The following ATXN3 variants were observed in gnomAD, a reference collection of about 807,000 sequenced individuals.
The protein encoded by ATXN3 is ataxin 3.
ATXN3 carries 28 observed loss-of-function variants against 58.2 expected under a neutral mutation model. The observed-to-expected ratio is 0.48, with a 90% CI of 0.36 to 0.66. The LOEUF (loss-of-function observed/expected upper bound fraction) is 0.66, where lower values mean the gene tolerates loss of function less well. ATXN3 is among the 30% of genes least tolerant of loss of function. The pLI is 0.00. For missense variants in ATXN3, 321 were observed against 422.1 expected (o/e 0.76, Z 2.10); for synonymous variants, 113 against 138.5 (o/e 0.82, Z 1.29).
chr14:92,097,626 C>T (rs148055766), intron 1 of ATXN3, among the ~76,000 whole-genome samples: 2 of 150,494 alleles, frequency 1.3e-5, no homozygotes, highest in South Asian at 2.1e-4. Context: ...CCTGAGTTCA[C>T]GCCATTCTCC....
intron 9 of ATXN3, among the ~76,000 whole-genome samples, chr14:92,076,227 C>T (rs56384416): frequency 6.6e-6 from 1 of 152,184 alleles, no homozygotes; most frequent in South Asian, 2.1e-4. Flanking sequence ...TGGCAGATTG[C>T]CTGAGATCAG....
upstream of ATXN3, among the ~76,000 whole-genome samples, chr14:92,052,686 C>A (rs1366469581): frequency 6.6e-6 from 1 of 152,120 alleles, no homozygotes; most frequent in Non-Finnish European, 1.5e-5. Flanking sequence ...TGCACACCAG[C>A]CAGCAGTCAG....
intron 2 of ATXN3, among the ~76,000 whole-genome samples, chr14:92,045,306 T>C (rs928223696): frequency 2.6e-5 from 4 of 152,072 alleles, no homozygotes; most frequent in Non-Finnish European, 4.4e-5. Context: ...GAGAAACTGC[T>C]TGGGTGATTT....
chr14:92,074,035 G>C (rs1180610984), intron 9 of ATXN3, among the ~76,000 whole-genome samples: 28 of 134,010 alleles, frequency 2.1e-4, no homozygotes, highest in Admixed American at 2.1e-3. Flanking sequence ...AAAAAAAAAA[G>C]GGAGAAATGG....
chr14:92,073,041 A>G lies in ATXN3; in HGVS notation c.873-1988T>C, dbSNP rs1171235458. Among the ~76,000 whole-genome samples the G allele has an allele frequency of 2.0e-5, 3 of 152,230 alleles. No homozygotes were observed. The East Asian group carries it at 5.8e-4, about 29-fold the overall frequency. ...GCAAATCCTGATGCTGCAACATAGC[A>G]CAAGAGGGACGGACTGAGTTATGGA... On this transcript the variant is annotated intron_variant, in intron 9 of 10. Coordinates refer to ENST00000644486, the MANE Select transcript of ATXN3 (RefSeq NM_004993.6).
At chr14:92,078,986 G>C (rs2060934793) in intron 9 of ATXN3, among the ~76,000 whole-genome samples, 1 of 152,078 alleles carries the variant, frequency 6.6e-6, no homozygotes, top group African/African-American at 2.4e-5. Context: ...AGGAGTTTAA[G>C]GCCAGCCTGG....
intron 9 of ATXN3, among the ~76,000 whole-genome samples, chr14:92,078,195 G>A (rs1033548078): frequency 7.7e-4 from 117 of 151,968 alleles, no homozygotes; most frequent in Non-Finnish European, 1.4e-3. Context: ...GGCTGGTCTT[G>A]TACTCCTGAC....
Position 92,083,218 on chromosome 14 carries a change from G to A in ATXN3, c.516C>T (p.Cys172=), listed in dbSNP as rs748191546. Residue 172 remains cysteine, a synonymous_variant, in exon 7 of 11, where the codon TGC becomes TGT. Transcript: ENST00000644486. ...TCATCTGCAGGAGTTGGTCAGCTTC[G>A]CAATCTGGCAGATCACCCTTAACGA... ...IFVVKGDLPD[C]EADQLLQMIR... is the part of the protein sequence containing the mutation. The A allele has an allele frequency of 1.2e-5, 19 of 1,613,228 alleles. No individual in the cohort carries two copies. The highest frequency in any genetic ancestry group is 1.6e-4 in the Middle Eastern group (1 of 6,062).
At chr14:92,054,135 C>A (rs2057457619), downstream of ATXN3, among the ~76,000 whole-genome samples, 1 of 152,076 alleles carries the variant, frequency 6.6e-6, no homozygotes, top group Non-Finnish European at 1.5e-5. Flanking sequence ...GGGGTTTTGC[C>A]ATGTTGGCCA....
chr14:92,080,486 T>A (rs2140675279), intron 9 of ATXN3: 1 of 153,182 alleles, frequency 6.5e-6, no homozygotes, highest in East Asian at 1.9e-4. Context: ...GGGGCAAGGT[T>A]TTTTTGTTTC....
chr14:92,081,465 CAA>C (rs58398762), intron 8 of ATXN3, among the ~76,000 whole-genome samples: 283 of 82,926 alleles, frequency 3.4e-3, no homozygotes, highest in African/African-American at 0.011. Context: ...GACTCTGACT[CAA>C]AAAAAAAAAA....
rs55692120 is a variant in ATXN3, at chr14:92,062,323, A to G, written c.*1997T>C. On this transcript the variant is annotated 3_prime_UTR_variant, in exon 11 of 11. Coordinates refer to ENST00000644486, the MANE Select transcript of ATXN3 (RefSeq NM_004993.6). ...AAAGTCAAACATGCCATATTTTCTTAAGTGCTTTAACTAGGGTATATATGA... is the reference window on the plus strand; with the variant it reads ...AAAGTCAAACATGCCATATTTTCTTGAGTGCTTTAACTAGGGTATATATGA... 9.2e-5 allele frequency: 14 copies of G among 152,296 alleles called. No individual in the cohort carries two copies. The highest frequency in any genetic ancestry group is 1.9e-4 in the Non-Finnish European group (13 of 68,016). The allele number at this position is 152,296 out of a possible 1,614,324, so 9.4% of individuals were successfully genotyped here.
intron 8 of ATXN3, among the ~76,000 whole-genome samples, chr14:92,081,889 T>C (rs924864096): frequency 2.0e-5 from 3 of 151,832 alleles, no homozygotes; most frequent in Non-Finnish European, 2.9e-5. Context: ...CAAAGTGGGC[T>C]TACGGTTTAA....
intron 5 of ATXN3, among the ~76,000 whole-genome samples, chr14:92,091,264 A>C (rs1358609161): frequency 6.6e-6 from 1 of 152,108 alleles, no homozygotes; most frequent in Non-Finnish European, 1.5e-5. Flanking sequence ...CAGCCTGACC[A>C]ACATGGCGAA....
In ATXN3 at chr14:92,096,075, A is replaced by C. The variant is rs373354514; in HGVS notation, c.234+18T>G. ...CTGGGATGTAAGCAACACATAGTAC[A>C]TGCTTGTGACTACTTACCTGAATAG... is the stretch of plus-strand genomic sequence containing the variant. On this transcript the variant is annotated intron_variant, in intron 3 of 10. Coordinates refer to ENST00000644486, the MANE Select transcript of ATXN3 (RefSeq NM_004993.6). 2.5e-5 allele frequency: 34 copies of C among 1,357,086 alleles called. No homozygotes were observed. The highest frequency in any genetic ancestry group is 3.0e-5 in the Non-Finnish European group (30 of 1,002,362). The allele number at this position is 1,357,086 out of a possible 1,614,324, so 84.1% of individuals were successfully genotyped here. A position where few individuals can be genotyped will look rare whatever the true frequency, so the allele number is the denominator to read the frequency against.
At chr14:92,096,061 G>T in intron 3 of ATXN3, 32 bp downstream of exon 3, 1 of 1,506,750 alleles carries the variant, frequency 6.6e-7, no homozygotes, top group Non-Finnish European at 9.2e-7. Context: ...TGGGATGTAA[G>T]CAACACATAG....
intron 3 of ATXN3, among the ~76,000 whole-genome samples, chr14:92,094,264 G>A (rs956102237): frequency 5.3e-5 from 8 of 151,950 alleles, no homozygotes; most frequent in Non-Finnish European, 8.8e-5. Flanking sequence ...AAAAGTGTGT[G>A]TGTATAGATA....
At chr14:92,096,364 C>T (rs2065239911) in intron 2 of ATXN3, 2 of 1,356,926 alleles carry the variant, frequency 1.5e-6, no homozygotes, top group Non-Finnish European at 1.9e-6. Context: ...GTGGCTCACA[C>T]CTATAATCCC....
chr14:92,052,430 G>A (rs2057452096), upstream of ATXN3, among the ~76,000 whole-genome samples: 1 of 151,972 alleles, frequency 6.6e-6, no homozygotes, highest in Admixed American at 6.5e-5. Context: ...GGAGGTTGCG[G>A]TGAGCTGGAT....
Sources: gnomAD v4.1 joint callset for allele counts (sites outside exome capture counted in the v4.1 genomes callset) on GRCh38, gnomAD v4.1.1 for gene constraint, MANE v1.5 for transcripts, NCBI Gene and HGNC (gene_info 2026-07-23, HGNC 2026-07-21) for gene names.